Variants in LANCL2 observed in about 807,000 individuals in gnomAD.
LANCL2 encodes the protein LanC like glutathione S-transferase 2.
LANCL2 carries 33 observed loss-of-function variants against 56.9 expected under a neutral mutation model. The ratio of observed to expected loss-of-function variants is 0.58; its 90% CI spans 0.44 to 0.78. LANCL2 has a LOEUF of 0.78. Ranked by LOEUF, LANCL2 falls within the 30% of genes least tolerant of loss-of-function variation. The probability of loss-of-function intolerance (pLI) is 0.00; values close to 1 mark genes in which losing one functional copy is unlikely to be tolerated. For missense variants in LANCL2, 562 were observed against 580.2 expected (o/e 0.97, Z 0.32); for synonymous variants, 233 against 228.2 (o/e 1.02, Z -0.19).
chr7:55,413,876 G>A (rs771686608), intron 6 of LANCL2, among the ~76,000 whole-genome samples: 1 of 152,202 alleles, frequency 6.6e-6, no homozygotes, highest in Non-Finnish European at 1.5e-5. Context: ...TCTTCTGGGG[G>A]TAGGAAGGCA....
chr7:55,411,787 A>T, intron 5 of LANCL2, 120 bp from the exon 6 acceptor site: 1 of 979,036 alleles, frequency 1.0e-6, no homozygotes, highest in South Asian at 1.7e-5. Context: ...AGTTGAATGA[A>T]TTCTAATTTT....
chr7:55,397,564 G>T (rs149621704), intron 2 of LANCL2, among the ~76,000 whole-genome samples: 1 of 148,394 alleles, frequency 6.7e-6, no homozygotes, highest in Admixed American at 6.7e-5. Flanking sequence ...AAACATGAAA[G>T]AAATATTTCA....
intron 5 of LANCL2, among the ~76,000 whole-genome samples, chr7:55,402,062 C>A (rs1182951822): frequency 7.3e-6 from 1 of 137,438 alleles, no homozygotes; most frequent in African/African-American, 2.7e-5. Flanking sequence ...TTGAGTACAC[C>A]TCCCAGACGG....
At chr7:55,388,977 G>A (rs2128992532) in intron 1 of LANCL2, among the ~76,000 whole-genome samples, 1 of 152,352 alleles carries the variant, frequency 6.6e-6, no homozygotes, top group Middle Eastern at 3.4e-3. Flanking sequence ...GAAACCTGGA[G>A]GGGGCTGGGG....
chr7:55,373,222 G>T (rs531509453), intron 1 of LANCL2, among the ~76,000 whole-genome samples: 2 of 151,806 alleles, frequency 1.3e-5, no homozygotes, highest in African/African-American at 2.4e-5. Context: ...TGCTTTCTGA[G>T]AACAGGAATT....
chr7:55,384,209 T>C (rs1790099753), intron 1 of LANCL2, among the ~76,000 whole-genome samples: 1 of 152,168 alleles, frequency 6.6e-6, no homozygotes. Flanking sequence ...AGAAAAAGTA[T>C]TTGAACAAAT....
chr7:55,381,104 C>G (rs1177328395), intron 1 of LANCL2, among the ~76,000 whole-genome samples: 2 of 152,096 alleles, frequency 1.3e-5, no homozygotes, highest in Non-Finnish European at 2.9e-5. Context: ...CTCCTGACCT[C>G]AGGTGTTCTA....
intron 5 of LANCL2, among the ~76,000 whole-genome samples, chr7:55,404,121 C>A (rs1450734379): frequency 2.6e-5 from 4 of 152,162 alleles, no homozygotes; most frequent in African/African-American, 9.7e-5. Context: ...CCAGTAGAGA[C>A]CCCATAACTA....
rs1281759027 is a variant in LANCL2 at position 55,432,624 on chromosome 7, GGGGA to G, written c.*1307_*1310del. 1 of 151,918 alleles carries G rather than the reference GGGGA, an allele frequency of 6.6e-6. No homozygotes were observed. The highest frequency in any genetic ancestry group is 2.4e-5 in the African/African-American group (1 of 41,198). The allele number at this position is 151,918 out of a possible 1,614,324, so 9.4% of individuals were successfully genotyped here. A position where few individuals can be genotyped will look rare whatever the true frequency, so the allele number is the denominator to read the frequency against. ...TTAACAGCCCAGTCCTTGTCTGCAG[GGGGA>G]GGCCTGAGCATTTCCCAGCCCCAGT... On this transcript the variant is annotated 3_prime_UTR_variant, in exon 9 of 9. Coordinates refer to ENST00000254770, the MANE Select transcript of LANCL2 (RefSeq NM_018697.4).
chr7:55,366,011 CGTACCGCGGCGG>C lies in LANCL2; in HGVS notation c.-14_-3del. The C allele has an allele frequency of 7.0e-7, 1 of 1,428,142 alleles. No individual in the cohort carries two copies. The highest frequency in any genetic ancestry group is 2.9e-5 in the East Asian group (1 of 34,474). The allele number at this position is 1,428,142 out of a possible 1,614,324, so 88.5% of individuals were successfully genotyped here. A position where few individuals can be genotyped will look rare whatever the true frequency, so the allele number is the denominator to read the frequency against. On this transcript the variant is annotated 5_prime_UTR_variant, in exon 1 of 9. Transcript: ENST00000254770. ...AGGAGGTTTGTCCCCGCCCGCGCGC[CGTACCGCGGCGG>C]AGATGGGCGAGACCATGTCAAAGAG...
At chr7:55,392,819 T>C (rs1790207521) in intron 2 of LANCL2, among the ~76,000 whole-genome samples, 1 of 152,156 alleles carries the variant, frequency 6.6e-6, no homozygotes, top group Non-Finnish European at 1.5e-5. Context: ...TATGAAAATG[T>C]GTAACTATTA....
At chr7:55,386,381 A>G (rs1790125974) in intron 1 of LANCL2, among the ~76,000 whole-genome samples, 1 of 152,196 alleles carries the variant, frequency 6.6e-6, no homozygotes, top group African/African-American at 2.4e-5. Context: ...TTCACAATCC[A>G]CATTCTTCTC....
At chr7:55,393,342 G>A (rs893392650) in intron 2 of LANCL2, among the ~76,000 whole-genome samples, 1 of 152,220 alleles carries the variant, frequency 6.6e-6, no homozygotes, top group Non-Finnish European at 1.5e-5. Context: ...AGACCAGCCT[G>A]GGCAACATGG....
At chr7:55,405,861 C>T (rs2128994507) in intron 5 of LANCL2, among the ~76,000 whole-genome samples, 1 of 151,100 alleles carries the variant, frequency 6.6e-6, no homozygotes, top group South Asian at 2.1e-4. Flanking sequence ...GAGATTGAGC[C>T]AGGTTTTCTT....
intron 6 of LANCL2, among the ~76,000 whole-genome samples, chr7:55,420,786 C>G (rs768930580): frequency 1.3e-5 from 2 of 152,228 alleles, no homozygotes; most frequent in African/African-American, 2.4e-5. Flanking sequence ...TGTGCTGACC[C>G]TCACAGATTT....
At chr7:55,396,034 T>G (rs1431366407) in intron 2 of LANCL2, among the ~76,000 whole-genome samples, 1 of 152,252 alleles carries the variant, frequency 6.6e-6, no homozygotes, top group Non-Finnish European at 1.5e-5. Context: ...TGTTTTTGTA[T>G]CTAAACATAG....
intron 1 of LANCL2, among the ~76,000 whole-genome samples, chr7:55,376,421 G>A (rs1454104088): frequency 6.6e-6 from 1 of 152,188 alleles, no homozygotes; most frequent in Non-Finnish European, 1.5e-5. Flanking sequence ...GCCCATTGAG[G>A]AGCAAGCTTT....
At chr7:55,399,460 C>T (rs1015488751) in intron 3 of LANCL2, among the ~76,000 whole-genome samples, 2 of 151,820 alleles carry the variant, frequency 1.3e-5, no homozygotes, top group African/African-American at 4.8e-5. Flanking sequence ...TCTCCTGCCT[C>T]AGCCTCCAAA....
intron 1 of LANCL2, among the ~76,000 whole-genome samples, chr7:55,390,215 T>C (rs1249336700): frequency 7.0e-6 from 1 of 142,034 alleles, no homozygotes; most frequent in Non-Finnish European, 1.6e-5. Flanking sequence ...CTTCCAAATA[T>C]ATGAAAGCAA....
Sources: allele counts gnomAD v4.1 joint callset (sites outside exome capture counted in the v4.1 genomes callset), GRCh38; gene constraint gnomAD v4.1.1; transcripts MANE v1.5; gene names NCBI Gene and HGNC (gene_info 2026-07-23, HGNC 2026-07-21).